The following CCSER1 variants were observed in gnomAD, a reference collection of about 807,000 sequenced individuals.
The protein encoded by CCSER1 is coiled-coil serine rich protein 1.
A neutral mutation model predicts 82.0 loss-of-function variants in CCSER1; 41 were observed. The ratio of observed to expected loss-of-function variants is 0.50; its 90% confidence interval spans 0.39 to 0.65. The LOEUF is 0.65. Ranked by LOEUF, CCSER1 falls within the 30% of genes least tolerant of loss-of-function variation. The pLI is 0.00. For synonymous variants in CCSER1, 414 were observed against 383.9 expected (o/e 1.08, Z -0.92); for missense variants, 1,119 against 1,064.2 (o/e 1.05, Z -0.72).
rs1763055125 is a variant in CCSER1, at chr4:91,569,404, G to A, written c.2218-29168G>A. ...TTAGTAGTGGTTGGAGCTGAGGATT[G>A]TTTGGTTGTCTCCTGGGGGCTTGTA... On this transcript the variant is annotated intron_variant, in intron 10 of 10. Coordinates refer to ENST00000509176, the MANE Select transcript of CCSER1 (RefSeq NM_001145065.2). 1.3e-5 allele frequency among the ~76,000 whole-genome samples: 2 copies of A among 152,114 alleles called. 1 individual carries two copies. Among genetic ancestry groups the A allele is most frequent in the South Asian group, 4.1e-4 (2 of 4,822 alleles).
intron 10 of CCSER1, among the ~76,000 whole-genome samples, chr4:91,318,037 G>A (rs1201196322): frequency 6.6e-6 from 1 of 151,886 alleles, no homozygotes; most frequent in Admixed American, 6.6e-5. Flanking sequence ...TTTGTAGACA[G>A]AAAGTGAAAC....
chr4:90,238,083 T>TC (rs1245897772), intron 1 of CCSER1, among the ~76,000 whole-genome samples: 3 of 152,330 alleles, frequency 2.0e-5, no homozygotes, highest in African/African-American at 7.2e-5. Context: ...GAACCTATAT[T>TC]AATCCCAGGG....
At chr4:91,061,821 C>T (rs570014762) in intron 9 of CCSER1, among the ~76,000 whole-genome samples, 2 of 152,020 alleles carry the variant, frequency 1.3e-5, no homozygotes, top group South Asian at 2.1e-4. Flanking sequence ...CTCAATGTAG[C>T]ACAGCATAGA....
At chr4:90,566,296 C>T (rs184024338) in intron 5 of CCSER1, among the ~76,000 whole-genome samples, 171 of 152,044 alleles carry the variant, frequency 1.1e-3, no homozygotes, top group Non-Finnish European at 2.1e-3. Context: ...TAGAGTGAGA[C>T]TGGCTTTTTA....
At chr4:90,702,178 CA>C (rs1182457006) in intron 6 of CCSER1, among the ~76,000 whole-genome samples, 2 of 152,120 alleles carry the variant, frequency 1.3e-5, no homozygotes, top group African/African-American at 2.4e-5. Context: ...GAGTTTTTAG[CA>C]TGAAGGGCTG....
chr4:90,396,066 G>A (rs1190699232), intron 3 of CCSER1, among the ~76,000 whole-genome samples: 1 of 152,118 alleles, frequency 6.6e-6, no homozygotes, highest in Non-Finnish European at 1.5e-5. Flanking sequence ...AGGCAACAGA[G>A]AAAGACTCCA....
intron 10 of CCSER1, among the ~76,000 whole-genome samples, chr4:91,414,324 A>G (rs902032354): frequency 1.3e-5 from 2 of 152,158 alleles, no homozygotes; most frequent in Non-Finnish European, 2.9e-5. Context: ...GAGTTCTTCC[A>G]TGCAATTGAA....
intron 9 of CCSER1, among the ~76,000 whole-genome samples, chr4:90,939,160 G>T (rs1428120699): frequency 1.3e-5 from 2 of 152,022 alleles, no homozygotes; most frequent in Non-Finnish European, 2.9e-5. Context: ...TTCCATCTTA[G>T]TAGGACATTT....
intron 1 of CCSER1, among the ~76,000 whole-genome samples, chr4:90,303,660 T>G (rs1403690230): frequency 1.4e-4 from 21 of 151,982 alleles, no homozygotes; most frequent in Admixed American, 1.4e-3. Context: ...TCAAGATGGA[T>G]TAAAGACTTA....
At chr4:91,528,250 T>C (rs781157076) in intron 10 of CCSER1, among the ~76,000 whole-genome samples, 1 of 152,180 alleles carries the variant, frequency 6.6e-6, no homozygotes, top group Non-Finnish European at 1.5e-5. Flanking sequence ...TATATTTTCA[T>C]ATAATGTATT....
intron 7 of CCSER1, among the ~76,000 whole-genome samples, chr4:90,746,584 C>G (rs890424359): frequency 2.0e-5 from 3 of 152,100 alleles, no homozygotes; most frequent in Admixed American, 6.5e-5. Flanking sequence ...AATTCAGTGT[C>G]AGATTGTCTT....
chr4:91,333,765 T>C (rs1528569), intron 10 of CCSER1, among the ~76,000 whole-genome samples: 105,882 of 151,880 alleles, frequency 0.7, 37,063 homozygotes, highest in East Asian at 0.8. Flanking sequence ...TTTAAAAAAC[T>C]GATTAAAGTT....
chr4:90,540,791 A>G (rs897167962), intron 5 of CCSER1, among the ~76,000 whole-genome samples: 6 of 152,114 alleles, frequency 3.9e-5, no homozygotes, highest in Middle Eastern at 3.2e-3. Context: ...TGCATAACTA[A>G]TAAGAGCTTT....
At chr4:90,780,913 C>A in intron 7 of CCSER1, 2 of 505,568 alleles carry the variant, frequency 4.0e-6, no homozygotes, top group Non-Finnish European at 5.1e-6. Flanking sequence ...AATTGGCCCA[C>A]AGTTCTGCAG....
intron 9 of CCSER1, among the ~76,000 whole-genome samples, chr4:91,046,182 A>G (rs1234684869): frequency 6.6e-6 from 1 of 151,900 alleles, no homozygotes; most frequent in Non-Finnish European, 1.5e-5. Context: ...CAAATGGATG[A>G]GAAGTCTAGC....
At chr4:91,429,740 A>G (rs569652292) in intron 10 of CCSER1, among the ~76,000 whole-genome samples, 1 of 152,026 alleles carries the variant, frequency 6.6e-6, no homozygotes, top group South Asian at 2.1e-4. Context: ...GTAAAATCTC[A>G]AGCATAAGAA....
chr4:90,745,982 G>A (rs1007678770), intron 7 of CCSER1, among the ~76,000 whole-genome samples: 2 of 152,024 alleles, frequency 1.3e-5, no homozygotes, highest in African/African-American at 4.8e-5. Context: ...TTACAGGCGT[G>A]AGCCACCACG....
At chr4:91,131,681 G>T (rs1177861684) in intron 10 of CCSER1, among the ~76,000 whole-genome samples, 1 of 151,978 alleles carries the variant, frequency 6.6e-6, no homozygotes, top group African/African-American at 2.4e-5. Flanking sequence ...GATAGATCTT[G>T]CATTATAAAA....
At chr4:90,255,731 TA>T (rs774183119) in intron 1 of CCSER1, among the ~76,000 whole-genome samples, 2 of 151,926 alleles carry the variant, frequency 1.3e-5, no homozygotes, top group South Asian at 2.1e-4. Context: ...CAAAGAGGTG[TA>T]AAAAAAACAC....
Sources: allele counts gnomAD v4.1 joint callset (sites outside exome capture counted in the v4.1 genomes callset), GRCh38; gene constraint gnomAD v4.1.1; transcripts MANE v1.5; gene names NCBI Gene and HGNC (gene_info 2026-07-23, HGNC 2026-07-21).